TRAPPC8: variants seen among roughly 807,000 people sequenced by gnomAD.
The protein encoded by TRAPPC8 is general sporulation gene 1 homolog.
Under a neutral mutation model 174.3 loss-of-function variants are expected in TRAPPC8, and 54 were observed. The ratio of observed to expected loss-of-function variants is 0.31; its 90% CI spans 0.25 to 0.39. TRAPPC8 has a LOEUF of 0.39. TRAPPC8 is among the 10% of genes least tolerant of loss of function. TRAPPC8 has a pLI of 1.00. For synonymous variants in TRAPPC8, 630 were observed against 579.9 expected, an observed-to-expected ratio of 1.09 and a Z score of -1.24; for missense variants, 1,531 against 1,699.1, an observed-to-expected ratio of 0.90 and a Z score of 1.74.
intron 26 of TRAPPC8, among the ~76,000 whole-genome samples, chr18:31,840,060 CA>C (rs1310702058): frequency 6.6e-6 from 1 of 152,078 alleles, no homozygotes; most frequent in Non-Finnish European, 1.5e-5. Context: ...TAATCATTAT[CA>C]TCTAATGAAA....
intron 12 of TRAPPC8, among the ~76,000 whole-genome samples, chr18:31,874,920 C>T (rs967956916): frequency 4.6e-5 from 7 of 151,988 alleles, no homozygotes; most frequent in Non-Finnish European, 8.8e-5. Context: ...TGTGTGTGTG[C>T]GTTAGATAGG....
rs2038422950 is a variant in TRAPPC8 at position 31,943,089 on chromosome 18, C to G, written c.-325G>C. ...TTGGTCACTGCCCGGCCGGAACCGC[C>G]ATGTTGAGGCCGAACCCTGACCAAC... On this transcript the variant is annotated 5_prime_UTR_variant, in exon 1 of 29. The change abolishes an upstream ATG in the 5' untranslated region. Transcript: ENST00000283351. 3 of 421,062 alleles carry G rather than the reference C, an allele frequency of 7.1e-6. No individual in the cohort carries two copies. Among genetic ancestry groups the G allele is most frequent in the Non-Finnish European group, 8.1e-6 (2 of 245,586 alleles). 26.1% of individuals were successfully genotyped at this position (421,062 alleles called of 1,614,324 possible).
At chr18:31,883,917 G>A (rs1468522278) in intron 12 of TRAPPC8, among the ~76,000 whole-genome samples, 3 of 152,152 alleles carry the variant, frequency 2.0e-5, no homozygotes, top group Admixed American at 6.5e-5. Flanking sequence ...GGTCGAGCGT[G>A]GTGACTTACA....
In TRAPPC8 at chr18:31,856,008, C is replaced by T. The variant is rs374443923; in HGVS notation, c.3189-201G>A. On this transcript the variant is annotated intron_variant, in intron 20 of 28. Coordinates refer to ENST00000283351, the MANE Select transcript of TRAPPC8 (RefSeq NM_014939.5). ...TTCTATCCAATTTGGAAGGAAACTA[C>T]TAGTCTCCCTGTCTAAGTTTTTGCC... 2.6e-5 allele frequency among the ~76,000 whole-genome samples: 4 copies of T among 152,318 alleles called. No homozygotes were observed. The East Asian group carries it at 5.8e-4, about 22-fold the overall frequency.
intron 4 of TRAPPC8, 27 bp from the exon 5 acceptor site, chr18:31,913,549 G>C (rs774767223): frequency 1.3e-6 from 2 of 1,539,884 alleles, no homozygotes; most frequent in African/African-American, 1.4e-5. Flanking sequence ...AAAAAAATCT[G>C]AAGTAAAAGA....
intron 14 of TRAPPC8, among the ~76,000 whole-genome samples, chr18:31,871,533 TTA>T (rs2034862578): frequency 1.3e-5 from 2 of 152,178 alleles, no homozygotes; most frequent in East Asian, 3.9e-4. Context: ...ACCCCCAATC[TTA>T]TTACTCTCCT....
chr18:31,875,825 AT>A (rs1240906957), intron 12 of TRAPPC8, among the ~76,000 whole-genome samples: 1 of 152,054 alleles, frequency 6.6e-6, no homozygotes, highest in East Asian at 2.0e-4. Flanking sequence ...AGAAAGACAG[AT>A]CCTGCATGTT....
At chr18:31,864,493 T>G (rs1458353931) in intron 19 of TRAPPC8, 134 bp downstream of exon 19, 5 of 798,834 alleles carry the variant, frequency 6.3e-6, no homozygotes, top group Non-Finnish European at 9.2e-6. Flanking sequence ...TAAATATATT[T>G]AACACTAGCT....
chr18:31,866,271 G>C (rs2034581077), intron 18 of TRAPPC8, among the ~76,000 whole-genome samples: 1 of 152,020 alleles, frequency 6.6e-6, no homozygotes, highest in Admixed American at 6.6e-5. Context: ...GTTAAATCTT[G>C]AAGGGTTCCC....
In TRAPPC8 at chr18:31,935,548, T is replaced by TAAAAAAAAAAAAAAAAAAAAAAAA. The variant is rs10650702; in HGVS notation, c.158-4026_158-4025insTTTTTTTTTTTTTTTTTTTTTTTT. Among the ~76,000 whole-genome samples the TAAAAAAAAAAAAAAAAAAAAAAAA allele has an allele frequency of 6.5e-5, 3 of 46,286 alleles. 1 individual carries two copies. The highest frequency in any genetic ancestry group is 3.3e-4 in the African/African-American group (3 of 9,038). 30.4% of individuals were successfully genotyped at this position (46,286 alleles called of 152,430 possible). A position where few individuals can be genotyped will look rare whatever the true frequency, so the allele number is the denominator to read the frequency against. ...GGGCAACAAGAGCGAAACTCCATCTTAAAAAAAAAAAAAAAAAAAAGCAGG... is the reference window on the plus strand; with the variant it reads ...GGGCAACAAGAGCGAAACTCCATCTTAAAAAAAAAAAAAAAAAAAAAAAAAAAAAAAAAAAAAAAAAAAAGCAGG... On this transcript the variant is annotated intron_variant, in intron 1 of 28. Coordinates refer to ENST00000283351, the MANE Select transcript of TRAPPC8 (RefSeq NM_014939.5).
chr18:31,867,102 G>T, intron 17 of TRAPPC8, 127 bp from the exon 18 acceptor site: 1 of 980,292 alleles, frequency 1.0e-6, no homozygotes, highest in Non-Finnish European at 1.5e-6. Context: ...ATTAATTTAT[G>T]AAAAGCATCT....
At chr18:31,941,949 A>G (rs2038363665) in intron 1 of TRAPPC8, among the ~76,000 whole-genome samples, 1 of 152,226 alleles carries the variant, frequency 6.6e-6, no homozygotes, top group Non-Finnish European at 1.5e-5. Flanking sequence ...ATAACTATAG[A>G]TAACTCCAAA....
At chr18:31,940,571 T>TG (rs1302503483) in intron 1 of TRAPPC8, among the ~76,000 whole-genome samples, 1 of 152,190 alleles carries the variant, frequency 6.6e-6, no homozygotes, top group Non-Finnish European at 1.5e-5. Flanking sequence ...GGTTTTGAGA[T>TG]GGAGTCTCAC....
At chr18:31,853,344 T>C (rs1416430767) in intron 22 of TRAPPC8, among the ~76,000 whole-genome samples, 1 of 152,230 alleles carries the variant, frequency 6.6e-6, no homozygotes, top group Non-Finnish European at 1.5e-5. Flanking sequence ...CTTAGCTCAC[T>C]GCACCCTCTG....
intron 9 of TRAPPC8, among the ~76,000 whole-genome samples, chr18:31,902,229 G>A (rs1448464747): frequency 6.6e-6 from 1 of 152,224 alleles, no homozygotes; most frequent in East Asian, 1.9e-4. Flanking sequence ...TACTCAGGAG[G>A]CTGAAGCAGG....
chr18:31,917,768 A>C, intron 2 of TRAPPC8, 101 bp from the exon 3 acceptor site: 1 of 941,778 alleles, frequency 1.1e-6, no homozygotes, highest in Non-Finnish European at 1.6e-6. Flanking sequence ...TAAAAAAAAA[A>C]TTTCTAACAG....
chr18:31,921,926 C>T (rs1343297544), intron 2 of TRAPPC8, among the ~76,000 whole-genome samples: 1 of 152,054 alleles, frequency 6.6e-6, no homozygotes, highest in African/African-American at 2.4e-5. Flanking sequence ...ATCAGTTGTT[C>T]CCCCTAATTA....
At chr18:31,904,065 A>G (rs2036556073) in intron 9 of TRAPPC8, among the ~76,000 whole-genome samples, 1 of 152,122 alleles carries the variant, frequency 6.6e-6, no homozygotes, top group South Asian at 2.1e-4. Context: ...GCAAAATGCC[A>G]TCTCTACAAA....
At chr18:31,858,085 C>G (rs2034129084) in intron 19 of TRAPPC8, 103 bp from the exon 20 acceptor site, 2 of 958,554 alleles carry the variant, frequency 2.1e-6, no homozygotes, top group Admixed American at 2.7e-5. Context: ...CAAAGGTTTA[C>G]AAGTGTTTCA....
Sources: gnomAD v4.1 joint callset for allele counts (sites outside exome capture counted in the v4.1 genomes callset) on GRCh38, gnomAD v4.1.1 for gene constraint, MANE v1.5 for transcripts, NCBI Gene and HGNC (gene_info 2026-07-23, HGNC 2026-07-21) for gene names.